SKI: variants seen among roughly 807,000 people sequenced by gnomAD.
The protein encoded by SKI is SKI proto-oncogene, also known as ski oncogene.
Under a neutral mutation model 59.3 loss-of-function variants are expected in SKI, and 23 were observed. The observed-to-expected ratio is 0.39, with a 90% CI of 0.28 to 0.55. SKI has a LOEUF of 0.55. SKI is among the 20% of genes least tolerant of loss of function. The pLI is 0.67. For synonymous variants in SKI, 673 were observed against 488.6 expected (o/e 1.38, Z -4.98); for missense variants, 1,017 against 1,038.9 (o/e 0.98, Z 0.29).
intron 1 of SKI, chr1:2,232,590 C>A (rs532964180): frequency 2.0e-5 from 3 of 152,318 alleles, no homozygotes; most frequent in Non-Finnish European, 4.4e-5. Context: ...GAAGCCTCCG[C>A]TTCTGTCCAG....
chr1:2,296,472 C>T (rs1161041936), intron 1 of SKI, among the ~76,000 whole-genome samples: 1 of 152,208 alleles, frequency 6.6e-6, no homozygotes, highest in Non-Finnish European at 1.5e-5. Flanking sequence ...TGCGTTTCCA[C>T]AGTGAATGAT....
intron 1 of SKI, among the ~76,000 whole-genome samples, chr1:2,301,657 G>T (rs915929568): frequency 1.7e-4 from 26 of 152,068 alleles, no homozygotes; most frequent in African/African-American, 6.3e-4. Flanking sequence ...CTGCCTCCAG[G>T]AGGCTGGTTC....
intron 1 of SKI, among the ~76,000 whole-genome samples, chr1:2,286,073 C>A (rs1018310316): frequency 1.3e-5 from 2 of 151,806 alleles, no homozygotes; most frequent in African/African-American, 4.8e-5. Flanking sequence ...GGGGTTTCAC[C>A]ACATTGGCCA....
At chr1:2,280,637 TCTTCAGAGAGA>T in intron 1 of SKI, among the ~76,000 whole-genome samples, 1 of 133,464 alleles carries the variant, frequency 7.5e-6, no homozygotes, top group Non-Finnish European at 1.6e-5. Context: ...GCGGCGGCGA[TCTTCAGAGAGA>T]GGACACCCGA....
intron 1 of SKI, among the ~76,000 whole-genome samples, chr1:2,255,705 G>T (rs1639259325): frequency 6.7e-6 from 1 of 150,238 alleles, no homozygotes; most frequent in Admixed American, 6.6e-5. Flanking sequence ...CTCATTTCCT[G>T]TCTGGAACAT....
intron 1 of SKI, among the ~76,000 whole-genome samples, chr1:2,264,129 G>A (rs12134162): frequency 6.6e-6 from 1 of 152,182 alleles, no homozygotes; most frequent in Non-Finnish European, 1.5e-5. Flanking sequence ...TTGGTTGAGA[G>A]TTACTGGTTT....
chr1:2,295,265 C>T (rs569098887), intron 1 of SKI, among the ~76,000 whole-genome samples: 1 of 152,362 alleles, frequency 6.6e-6, no homozygotes, highest in East Asian at 1.9e-4. Context: ...GCCGAGCGCC[C>T]CTCTGGCTCC....
rs1640592063 is a variant in SKI at position 2,306,646 on chromosome 1, C to T, written c.2068C>T (p.Arg690Trp). Residue 690 changes from arginine (R) to tryptophan (W), a missense_variant, in exon 7 of 7, where the codon CGG becomes TGG. Coordinates refer to ENST00000378536, the MANE Select transcript of SKI (RefSeq NM_003036.4). Reference protein sequence around the residue: ...DREQLRADLLREREAREHLEK... With the variant: ...DREQLRADLLWEREAREHLEK... ...GGAGCAGCTGCGGGCCGACCTGCTG[C>T]GGGAGCGCGAGGCCCGGGAGCACCT... The T allele has an allele frequency of 1.3e-6, 2 of 1,544,620 alleles. No homozygotes were observed. Among genetic ancestry groups the T allele is most frequent in the Non-Finnish European group, 1.7e-6 (2 of 1,145,302 alleles).
intron 1 of SKI, among the ~76,000 whole-genome samples, chr1:2,282,507 C>CCTGAGAAGACAGGCGGTGGG (rs1639915455): frequency 7.5e-6 from 1 of 132,996 alleles, no homozygotes; most frequent in South Asian, 2.5e-4. Flanking sequence ...AGAGAGGACG[C>CCTGAGAAGACAGGCGGTGGG]CTGAGAAGAC....
chr1:2,257,486 TG>T (rs1436435587), intron 1 of SKI, among the ~76,000 whole-genome samples: 1 of 152,256 alleles, frequency 6.6e-6, no homozygotes, highest in African/African-American at 2.4e-5. Context: ...CGTCTGCCTC[TG>T]CAGCTGCTTG....
At chr1:2,237,030 G>C (rs1344160268) in intron 1 of SKI, among the ~76,000 whole-genome samples, 1 of 152,192 alleles carries the variant, frequency 6.6e-6, no homozygotes, top group Non-Finnish European at 1.5e-5. Context: ...CCCAAATCAG[G>C]GATCTTTCTC....
chr1:2,234,391 G>T (rs1179834550), intron 1 of SKI, among the ~76,000 whole-genome samples: 1 of 152,216 alleles, frequency 6.6e-6, no homozygotes, highest in Non-Finnish European at 1.5e-5. Context: ...GTCACGGTGG[G>T]GGGGCTAGTC....
intron 1 of SKI, among the ~76,000 whole-genome samples, chr1:2,298,586 G>A (rs1463145761): frequency 4.6e-5 from 7 of 152,168 alleles, no homozygotes; most frequent in Admixed American, 4.6e-4. Flanking sequence ...GCCCTAATAC[G>A]GGGTCCCGTT....
chr1:2,264,999 A>G (rs1470068685), intron 1 of SKI, among the ~76,000 whole-genome samples: 1 of 151,932 alleles, frequency 6.6e-6, no homozygotes, highest in Non-Finnish European at 1.5e-5. Context: ...TTTAGTAGAG[A>G]CGGGGTTTCT....
chr1:2,254,535 T>A (rs1639232754), intron 1 of SKI, among the ~76,000 whole-genome samples: 1 of 152,252 alleles, frequency 6.6e-6, no homozygotes, highest in South Asian at 2.1e-4. Flanking sequence ...CTGGGTGCGT[T>A]GAAGACGCGG....
chr1:2,257,989 C>T (rs1024810470), intron 1 of SKI, among the ~76,000 whole-genome samples: 1 of 152,200 alleles, frequency 6.6e-6, no homozygotes, highest in Non-Finnish European at 1.5e-5. Flanking sequence ...CTGCCCGCCT[C>T]AGCCTCCCAA....
At chr1:2,240,768 C>T (rs1376769574) in intron 1 of SKI, 1 of 985,462 alleles carries the variant, frequency 1.0e-6, no homozygotes, top group Non-Finnish European at 1.2e-6. Flanking sequence ...GGGAGAAGCA[C>T]AGCATCCTGT....
At chr1:2,255,767 T>TCTTA (rs1639260707) in intron 1 of SKI, among the ~76,000 whole-genome samples, 1 of 151,976 alleles carries the variant, frequency 6.6e-6, no homozygotes, top group Non-Finnish European at 1.5e-5. Context: ...GGACCTCATT[T>TCTTA]TCTGTCTGGA....
Position 2,229,246 on chromosome 1 carries a change from C to T in SKI, c.480C>T (p.Ile160=), listed in dbSNP as rs952491836. ...CSRCTADQLE[I]LKVMGILPFS... is the part of the protein sequence containing the mutation. Reference sequence around the variant, plus strand: ...GCTGCACGGCCGACCAGCTGGAGATCCTCAAAGTCATGGGCATCCTGCCCT... The same window carrying T: ...GCTGCACGGCCGACCAGCTGGAGATTCTCAAAGTCATGGGCATCCTGCCCT... Residue 160 remains isoleucine (I), a synonymous_variant, in exon 1 of 7, where the codon ATC becomes ATT. Coordinates refer to ENST00000378536, the MANE Select transcript of SKI (RefSeq NM_003036.4). This position sits in a 1 kb window ranked among gnomAD's most constrained non-coding sequence, Gnocchi z 6.3. The T allele has an allele frequency of 4.4e-6, 7 of 1,603,952 alleles. No individual in the cohort carries two copies. The highest frequency in any genetic ancestry group is 1.7e-4 in the Middle Eastern group (1 of 5,950).
Sources: allele counts gnomAD v4.1 joint callset (sites outside exome capture counted in the v4.1 genomes callset), GRCh38; gene constraint gnomAD v4.1.1; non-coding constraint Gnocchi (gnomAD v3.1); transcripts MANE v1.5; gene names NCBI Gene and HGNC (gene_info 2026-07-23, HGNC 2026-07-21).